ACOT11: variants seen among roughly 807,000 people sequenced by gnomAD.
The protein encoded by ACOT11 is acyl-coenzyme A thioesterase 11.
Under a neutral mutation model 77.5 loss-of-function variants are expected in ACOT11, and 69 were observed. The ratio of observed to expected loss-of-function variants is 0.89; its 90% CI spans 0.73 to 1.09. The LOEUF (loss-of-function observed/expected upper bound fraction) is 1.09. Among genes scored for constraint, ACOT11 ranks in the 50% least tolerant of loss-of-function variants. The probability of loss-of-function intolerance (pLI) is 0.00; values close to 1 mark genes in which losing one functional copy is unlikely to be tolerated. For missense variants in ACOT11, 766 were observed against 813.7 expected (o/e 0.94, Z 0.71); for synonymous variants, 279 against 313.0 (o/e 0.89, Z 1.15).
At chr1:54,638,672 T>C (rs986990436) in exon 17 of ACOT11, 1 of 152,168 alleles carries the variant, frequency 6.6e-6, no homozygotes, top group African/African-American at 2.4e-5. Context: ...CCTGTGTTTT[T>C]TTTTGTTTTT....
At chr1:54,550,298 G>A (rs12078042) in intron 1 of ACOT11, among the ~76,000 whole-genome samples, 2,531 of 152,246 alleles carry the variant, frequency 0.017, 71 homozygotes, top group African/African-American at 0.057. Context: ...GGGTGGAGGT[G>A]GGTATTGGGA....
intron 2 of ACOT11, among the ~76,000 whole-genome samples, 157 bp downstream of exon 2, chr1:54,585,019 T>G (rs1654448333): frequency 6.6e-6 from 1 of 152,186 alleles, no homozygotes; most frequent in African/African-American, 2.4e-5. Flanking sequence ...CCCTTCCTGA[T>G]GTCTCAATGC....
At chr1:54,593,760 G>A (rs1654796201) in intron 4 of ACOT11, among the ~76,000 whole-genome samples, 181 bp from the exon 5 acceptor site, 1 of 152,132 alleles carries the variant, frequency 6.6e-6, no homozygotes, top group Admixed American at 6.5e-5. Context: ...AGGTTTCCCG[G>A]GGACCCAAGG....
At chr1:54,588,470 G>C (rs1396750755) in intron 3 of ACOT11, among the ~76,000 whole-genome samples, 1 of 152,156 alleles carries the variant, frequency 6.6e-6, no homozygotes, top group Admixed American at 6.5e-5. Flanking sequence ...GTTGAAGGTG[G>C]TACAGCTAAT....
intron 16 of ACOT11, among the ~76,000 whole-genome samples, chr1:54,631,561 C>G (rs1218485337): frequency 6.6e-6 from 1 of 152,138 alleles, no homozygotes; most frequent in African/African-American, 2.4e-5. Context: ...GGTCCAACCT[C>G]AAATTAATAG....
chr1:54,575,042 G>A (rs1654057835), intron 1 of ACOT11, among the ~76,000 whole-genome samples: 1 of 151,046 alleles, frequency 6.6e-6, no homozygotes, highest in Non-Finnish European at 1.5e-5. Flanking sequence ...GCCTAACTAA[G>A]CCCTTTGACT....
chr1:54,601,118 TG>T lies in ACOT11; in HGVS notation c.885-150del. On this transcript the variant is annotated intron_variant, in intron 8 of 15. Coordinates refer to ENST00000343744, the MANE Select transcript of ACOT11 (RefSeq NM_147161.4). ...ATGTGTGTGTATGTGTGTGCATACATGTGTGTGTATGTGTGTGCATACGTGT... is the reference window on the plus strand; with the variant it reads ...ATGTGTGTGTATGTGTGTGCATACATTGTGTGTATGTGTGTGCATACGTGT... The T allele has an allele frequency of 2.6e-5, 7 of 271,484 alleles. 2 individuals carry two copies. Among genetic ancestry groups the T allele is most frequent in the South Asian group, 7.1e-5 (2 of 28,250 alleles). The allele number at this position is 271,484 out of a possible 1,614,324, so 16.8% of individuals were successfully genotyped here. A position where few individuals can be genotyped will look rare whatever the true frequency, so the allele number is the denominator to read the frequency against.
chr1:54,551,668 G>A (rs755217664), intron 1 of ACOT11, among the ~76,000 whole-genome samples: 2 of 152,092 alleles, frequency 1.3e-5, no homozygotes, highest in Non-Finnish European at 2.9e-5. Context: ...GGGCTCAGAA[G>A]CTTTTTTTAC....
chr1:54,605,526 G>A (rs1375271107), intron 13 of ACOT11, among the ~76,000 whole-genome samples: 6 of 152,046 alleles, frequency 3.9e-5, no homozygotes, highest in African/African-American at 9.7e-5. Flanking sequence ...CTTGGATGGC[G>A]GGTCATGGAT....
downstream of ACOT11, chr1:54,614,720 T>C (rs373870128): frequency 2.6e-5 from 42 of 1,613,534 alleles, 1 homozygote; most frequent in Middle Eastern, 1.6e-4. Flanking sequence ...TGACCTCAGT[T>C]GAGATGAGCA....
At chr1:54,586,477 G>C (rs1428831899) in intron 3 of ACOT11, among the ~76,000 whole-genome samples, 3 of 151,322 alleles carry the variant, frequency 2.0e-5, no homozygotes, top group African/African-American at 4.9e-5. Context: ...TGTCACCCAG[G>C]CTGGAGTACA....
chr1:54,609,738 G>C lies in ACOT11; in HGVS notation c.*626G>C, dbSNP rs766306986. 6.2e-7 allele frequency: 1 copy of C among 1,614,058 alleles called. No individual in the cohort carries two copies. The highest frequency in any genetic ancestry group is 1.3e-5 in the African/African-American group (1 of 74,958). On this transcript the variant is annotated 3_prime_UTR_variant, in exon 16 of 16. Coordinates refer to ENST00000343744, the MANE Select transcript of ACOT11 (RefSeq NM_147161.4). ...TGCAAGAGGCCAAGGCTGGAGAGGC[G>C]TGCCAGCAAGGCCAGGGATGGCCGG...
chr1:54,562,804 C>G (rs1398472363), intron 1 of ACOT11, among the ~76,000 whole-genome samples: 1 of 91,664 alleles, frequency 1.1e-5, no homozygotes, highest in African/African-American at 4.6e-5. Flanking sequence ...ACATCTCAGA[C>G]GATGGGCGGC....
chr1:54,602,568 T>TC (rs1324879234), intron 9 of ACOT11, 101 bp from the exon 10 acceptor site: 5 of 1,172,278 alleles, frequency 4.3e-6, no homozygotes, highest in Non-Finnish European at 5.6e-6. Flanking sequence ...ACACCTGAAC[T>TC]CCACGTTAGG....
At chr1:54,554,117 G>C (rs1653166132) in intron 1 of ACOT11, among the ~76,000 whole-genome samples, 1 of 151,198 alleles carries the variant, frequency 6.6e-6, no homozygotes, top group African/African-American at 2.4e-5. Context: ...AGGTTGCTGT[G>C]AGCTGAAGTT....
intron 1 of ACOT11, among the ~76,000 whole-genome samples, chr1:54,559,420 C>T (rs931176664): frequency 6.6e-6 from 1 of 152,196 alleles, no homozygotes; most frequent in African/African-American, 2.4e-5. Context: ...TCACTCGGCC[C>T]GATGACGAAA....
intron 1 of ACOT11, among the ~76,000 whole-genome samples, chr1:54,554,790 A>G (rs900666253): frequency 2.6e-5 from 4 of 152,138 alleles, no homozygotes; most frequent in Non-Finnish European, 4.4e-5. Flanking sequence ...TTGGCTATAT[A>G]CCCAGTAGTG....
chr1:54,612,524 G>T, downstream of ACOT11: 1 of 1,614,022 alleles, frequency 6.2e-7, no homozygotes, highest in East Asian at 2.2e-5. Flanking sequence ...AGTGGGGCCA[G>T]GCAGCCCGCA....
At chr1:54,624,720 C>T (rs1031264555) in intron 15 of ACOT11, among the ~76,000 whole-genome samples, 3 of 151,962 alleles carry the variant, frequency 2.0e-5, no homozygotes, top group African/African-American at 2.4e-5. Flanking sequence ...CAGCAAGGCC[C>T]CCGATGCTGG....
Sources: allele counts gnomAD v4.1 joint callset (sites outside exome capture counted in the v4.1 genomes callset), GRCh38; gene constraint gnomAD v4.1.1; transcripts MANE v1.5; gene names NCBI Gene and HGNC (gene_info 2026-07-23, HGNC 2026-07-21).